CHODL: variants seen among roughly 807,000 people sequenced by gnomAD.
CHODL encodes transmembrane protein MT75.
In CHODL, 29 loss-of-function variants were observed where a neutral mutation model predicts 34.5. That is an observed-to-expected ratio of 0.84 (90% CI 0.63 to 1.15). The LOEUF (loss-of-function observed/expected upper bound fraction) is 1.15, where lower values mean the gene tolerates loss of function less well. CHODL is among the 50% of genes most tolerant of loss of function. The pLI is 0.00. For synonymous variants in CHODL, 125 were observed against 116.1 expected, an observed-to-expected ratio of 1.08 and a Z score of -0.49; for missense variants, 332 against 332.5, an observed-to-expected ratio of 1.00 and a Z score of 0.01.
rs2065313872 is a variant in CHODL at position 18,109,029 on chromosome 21, A to G, written c.-45+81058A>G. Among the ~76,000 whole-genome samples the G allele has an allele frequency of 8.7e-5, 11 of 126,064 alleles. 2 individuals carry two copies. In the Admixed American group the frequency reaches 9.9e-4, roughly 11 times the overall value. 82.7% of individuals were successfully genotyped at this position (126,064 alleles called of 152,430 possible). On this transcript the variant is annotated intron_variant, in intron 2 of 6. Coordinates refer to the CHODL transcript ENST00000400127. ...GAACTTATAGCAGAATGTTGACTAAAATTTGGGTCACCTTTTTGTAAGGAA... is the reference window on the plus strand; with the variant it reads ...GAACTTATAGCAGAATGTTGACTAAGATTTGGGTCACCTTTTTGTAAGGAA...
At chr21:17,931,120 A>C (rs1259820808) in intron 1 of CHODL, among the ~76,000 whole-genome samples, 2 of 152,106 alleles carry the variant, frequency 1.3e-5, no homozygotes, top group South Asian at 2.1e-4. Context: ...TTTCACCAGG[A>C]GCTCCCTCAG....
At chr21:18,144,021 T>G (rs1425212027) in intron 2 of CHODL, among the ~76,000 whole-genome samples, 1 of 152,070 alleles carries the variant, frequency 6.6e-6, no homozygotes, top group Non-Finnish European at 1.5e-5. Context: ...GCAACATTGG[T>G]CTAGTAATTT....
intron 2 of CHODL, among the ~76,000 whole-genome samples, chr21:18,219,647 G>T (rs2073863819): frequency 6.6e-6 from 1 of 152,034 alleles, no homozygotes. Context: ...ATGTCTTATT[G>T]TGGTGTTGAT....
chr21:18,130,763 C>T (rs763278742), intron 2 of CHODL, among the ~76,000 whole-genome samples: 30 of 152,054 alleles, frequency 2.0e-4, no homozygotes, highest in African/African-American at 7.2e-4. Flanking sequence ...TTCCATTATT[C>T]GAAATCGATA....
At chr21:18,035,641 T>G (rs898401946) in intron 2 of CHODL, among the ~76,000 whole-genome samples, 8 of 152,046 alleles carry the variant, frequency 5.3e-5, no homozygotes, top group Non-Finnish European at 8.8e-5. Context: ...ACTTCTTCTT[T>G]TTCAGTCTTT....
chr21:17,952,122 T>C (rs1009863333), intron 1 of CHODL, among the ~76,000 whole-genome samples: 3 of 137,316 alleles, frequency 2.2e-5, no homozygotes, highest in Non-Finnish European at 4.5e-5. Context: ...GAAGGCTGAG[T>C]TGGGAGGATC....
In CHODL at chr21:17,932,188, CA is replaced by C. The variant is rs1441386118; in HGVS notation, c.-145+14791del. Among the ~76,000 whole-genome samples, 3 of 151,866 alleles carry C rather than the reference CA, an allele frequency of 2.0e-5. No homozygotes were observed. In the South Asian group the frequency reaches 6.2e-4, roughly 32 times the overall value. ...TGCTCAAAAGAATACAAGTGACCAA[CA>C]AAGATATGAAAAAAAGGCTCAACAT... On this transcript the variant is annotated intron_variant, in intron 1 of 6. Coordinates refer to the CHODL transcript ENST00000400127.
At chr21:18,227,660 A>G (rs1285144660) in intron 2 of CHODL, among the ~76,000 whole-genome samples, 1 of 152,184 alleles carries the variant, frequency 6.6e-6, no homozygotes, top group African/African-American at 2.4e-5. Flanking sequence ...TGATATGTCC[A>G]GGTCTTGGGT....
At chr21:18,139,190 C>T (rs1019318477) in intron 2 of CHODL, among the ~76,000 whole-genome samples, 1 of 151,814 alleles carries the variant, frequency 6.6e-6, no homozygotes, top group African/African-American at 2.4e-5. Context: ...ACAGTTGAAT[C>T]TCACGTTCAG....
intron 2 of CHODL, among the ~76,000 whole-genome samples, chr21:18,155,801 T>G (rs1486611038): frequency 6.6e-6 from 1 of 152,212 alleles, no homozygotes; most frequent in Non-Finnish European, 1.5e-5. Flanking sequence ...GGTCCTTCAG[T>G]CTAGTGAGGA....
At chr21:17,936,791 A>G (rs2063322691) in intron 1 of CHODL, among the ~76,000 whole-genome samples, 2 of 151,978 alleles carry the variant, frequency 1.3e-5, no homozygotes, top group South Asian at 4.1e-4. Flanking sequence ...TTTTAGAAGG[A>G]AGGGCCGGGC....
chr21:18,190,541 TACTC>T (rs903303083), intron 2 of CHODL, among the ~76,000 whole-genome samples: 8 of 152,348 alleles, frequency 5.3e-5, no homozygotes, highest in African/African-American at 1.7e-4. Context: ...GAAAATGTCT[TACTC>T]AGTAAAAAGG....
chr21:18,121,172 AAG>A (rs2065474438), intron 2 of CHODL, among the ~76,000 whole-genome samples: 1 of 152,152 alleles, frequency 6.6e-6, no homozygotes, highest in African/African-American at 2.4e-5. Context: ...GGTTCTAAAT[AAG>A]ATCTTTTAGA....
chr21:17,994,557 C>T (rs762144731), intron 1 of CHODL, among the ~76,000 whole-genome samples: 19 of 152,258 alleles, frequency 1.2e-4, no homozygotes, highest in African/African-American at 3.9e-4. Context: ...ATGGCCCACA[C>T]GTGTCCTGAT....
At chr21:18,209,372 A>G (rs182848136) in intron 2 of CHODL, among the ~76,000 whole-genome samples, 139 of 152,222 alleles carry the variant, frequency 9.1e-4, no homozygotes, top group African/African-American at 3.2e-3. Context: ...AGGGCTCTTC[A>G]GCCAGCTTAT....
intron 2 of CHODL, among the ~76,000 whole-genome samples, chr21:18,228,268 T>G (rs1205332310): frequency 6.6e-6 from 1 of 152,176 alleles, no homozygotes; most frequent in African/African-American, 2.4e-5. Flanking sequence ...AGCAGAGTGA[T>G]AGAGAGTTTC....
At chr21:18,207,811 GTC>G (rs1469076501) in intron 2 of CHODL, among the ~76,000 whole-genome samples, 1 of 151,792 alleles carries the variant, frequency 6.6e-6, no homozygotes, top group Non-Finnish European at 1.5e-5. Flanking sequence ...GTAAGGAAAA[GTC>G]TACTGCCAGA....
chr21:18,070,027 C>CCTTCCCG (rs1380432271), intron 2 of CHODL, among the ~76,000 whole-genome samples: 1 of 68,636 alleles, frequency 1.5e-5, no homozygotes, highest in Non-Finnish European at 3.2e-5. Flanking sequence ...CCCTTCCCTC[C>CCTTCCCG]CCCCCCCCAC....
At chr21:18,048,917 T>A (rs2064478480) in intron 2 of CHODL, among the ~76,000 whole-genome samples, 1 of 151,938 alleles carries the variant, frequency 6.6e-6, no homozygotes, top group South Asian at 2.1e-4. Flanking sequence ...TGTTCAGAAC[T>A]TCACATTTTT....
Sources: allele counts gnomAD v4.1 joint callset (sites outside exome capture counted in the v4.1 genomes callset), GRCh38; gene constraint gnomAD v4.1.1; transcripts MANE v1.5; gene names NCBI Gene and HGNC (gene_info 2026-07-23, HGNC 2026-07-21).